The following ASTN2 variants were observed in gnomAD, a reference collection of about 807,000 sequenced individuals.
ASTN2 encodes the protein astrotactin 2.
ASTN2 carries 54 observed loss-of-function variants against 139.8 expected under a neutral mutation model. The observed-to-expected ratio is 0.39, with a 90% CI of 0.31 to 0.48. The LOEUF is 0.48. Among genes scored for constraint, ASTN2 ranks in the 20% least tolerant of loss-of-function variants. The probability of loss-of-function intolerance (pLI) is 0.95; values close to 1 mark genes in which losing one functional copy is unlikely to be tolerated. For missense variants in ASTN2, 1,565 were observed against 1,725.1 expected (o/e 0.91, Z 1.64); for synonymous variants, 756 against 719.5 (o/e 1.05, Z -0.81).
At chr9:116,529,026 A>G (rs1012591264) in intron 19 of ASTN2, among the ~76,000 whole-genome samples, 2 of 152,182 alleles carry the variant, frequency 1.3e-5, no homozygotes, top group Admixed American at 6.5e-5. Context: ...GTGGGGTTGG[A>G]GCCCTTACAC....
At chr9:117,061,004 T>G (rs1241755804) in intron 5 of ASTN2, among the ~76,000 whole-genome samples, 1 of 152,176 alleles carries the variant, frequency 6.6e-6, no homozygotes, top group Non-Finnish European at 1.5e-5. Flanking sequence ...TTGTTTTGTT[T>G]TTCAGAGTCA....
chr9:117,070,701 G>T (rs1828093223), intron 5 of ASTN2, among the ~76,000 whole-genome samples: 1 of 147,110 alleles, frequency 6.8e-6, no homozygotes, highest in Admixed American at 6.7e-5. Context: ...TGGAGGCTTT[G>T]CTCATTTCTT....
intron 19 of ASTN2, among the ~76,000 whole-genome samples, chr9:116,570,222 T>A (rs1378434110): frequency 1.3e-5 from 2 of 152,214 alleles, no homozygotes; most frequent in Non-Finnish European, 2.9e-5. Flanking sequence ...CCAGCACAGT[T>A]CATATAGTGG....
At chr9:117,156,083 G>A (rs149572333) in intron 3 of ASTN2, among the ~76,000 whole-genome samples, 20 of 152,154 alleles carry the variant, frequency 1.3e-4, no homozygotes, top group African/African-American at 4.6e-4. Flanking sequence ...GGGAGTAGAA[G>A]TTAGCTGCCT....
At chr9:116,984,279 T>A (rs1033403624) in intron 7 of ASTN2, among the ~76,000 whole-genome samples, 1 of 152,204 alleles carries the variant, frequency 6.6e-6, no homozygotes, top group African/African-American at 2.4e-5. Flanking sequence ...CTGATCTGAC[T>A]GTTGGCCAGT....
intron 1 of ASTN2, among the ~76,000 whole-genome samples, chr9:117,297,910 A>G (rs1297243295): frequency 6.6e-6 from 1 of 152,230 alleles, no homozygotes. Flanking sequence ...TAAACGCCCA[A>G]GAATGCTTAA....
In ASTN2 at chr9:117,323,328, A is replaced by G. The variant is rs564756386; in HGVS notation, c.443-31815T>C. 6.1e-4 allele frequency among the ~76,000 whole-genome samples: 91 copies of G among 150,126 alleles called. 2 individuals are homozygous for G. The highest frequency in any genetic ancestry group is 3.1e-3 in the South Asian group (14 of 4,588). ...CAAATATAAACTGGCATTCCAGGCA[A>G]TCAATCAAGACCTAACCCCTCAAAG... On this transcript the variant is annotated intron_variant, in intron 1 of 22. Transcript: ENST00000313400.
chr9:116,890,451 C>T (rs549288270), intron 10 of ASTN2, among the ~76,000 whole-genome samples: 1 of 152,296 alleles, frequency 6.6e-6, no homozygotes, highest in South Asian at 2.1e-4. Context: ...GAACCCATTT[C>T]CCCACCATTG....
At chr9:117,204,004 A>G (rs1317434492) in intron 3 of ASTN2, among the ~76,000 whole-genome samples, 1 of 152,188 alleles carries the variant, frequency 6.6e-6, no homozygotes, top group African/African-American at 2.4e-5. Context: ...CACACTCCCC[A>G]GGGGTTCAGG....
At chr9:116,992,593 C>A (rs904362595) in intron 7 of ASTN2, among the ~76,000 whole-genome samples, 3 of 152,146 alleles carry the variant, frequency 2.0e-5, no homozygotes. Flanking sequence ...GCTCTATTCA[C>A]CCTCTCACTT....
chr9:117,408,554 G>C (rs1734587799), intron 1 of ASTN2, among the ~76,000 whole-genome samples: 1 of 152,140 alleles, frequency 6.6e-6, no homozygotes, highest in Non-Finnish European at 1.5e-5. Flanking sequence ...AAGGAGGTGA[G>C]AAGCAGGAGG....
chr9:117,054,490 T>C (rs903324831), intron 5 of ASTN2, among the ~76,000 whole-genome samples: 11 of 152,140 alleles, frequency 7.2e-5, no homozygotes, highest in African/African-American at 2.4e-4. Context: ...TCCAGTGAGG[T>C]AGTGGGCCAA....
At chr9:116,450,076 T>C (rs1370174841) in intron 20 of ASTN2, among the ~76,000 whole-genome samples, 1 of 152,200 alleles carries the variant, frequency 6.6e-6, no homozygotes, top group African/African-American at 2.4e-5. Context: ...TGTTGTGTCA[T>C]CAATAGTAAC....
intron 16 of ASTN2, among the ~76,000 whole-genome samples, chr9:116,666,006 T>C (rs570645057): frequency 1.6e-4 from 24 of 152,208 alleles, no homozygotes; most frequent in Admixed American, 1.1e-3. Flanking sequence ...ATATTTTTTA[T>C]GGAAATACTG....
In ASTN2 at chr9:116,424,616, C is replaced by T. The variant is rs868125844; in HGVS notation, c.*1235G>A. On this transcript the variant is annotated 3_prime_UTR_variant, in exon 23 of 23. Coordinates refer to ENST00000313400, the MANE Select transcript of ASTN2 (RefSeq NM_001365068.1). The stretch of plus-strand genomic sequence containing the variant: ...ATCTTTTTTTTTTTTTTTAAGTTGT[C>T]ACCTAGGCTGGAGTCCAGTGGCTCC... Among the ~76,000 whole-genome samples the T allele has an allele frequency of 3.6e-5, 5 of 138,210 alleles. No individual in the cohort carries two copies. Among genetic ancestry groups the T allele is most frequent in the Non-Finnish European group, 4.6e-5 (3 of 64,986 alleles). The allele number at this position is 138,210 out of a possible 152,430, so 90.7% of individuals were successfully genotyped here.
chr9:116,655,797 C>A (rs188288270), intron 16 of ASTN2, among the ~76,000 whole-genome samples: 118 of 152,264 alleles, frequency 7.7e-4, no homozygotes, highest in Admixed American at 1.8e-3. Flanking sequence ...CTTAAGCAAT[C>A]CCCCCACCTC....
intron 1 of ASTN2, among the ~76,000 whole-genome samples, chr9:117,303,584 C>A (rs1211469759): frequency 6.6e-6 from 1 of 152,184 alleles, no homozygotes; most frequent in Non-Finnish European, 1.5e-5. Flanking sequence ...TTGTCTATCT[C>A]TGCTCTGTCA....
Position 116,565,377 on chromosome 9 carries a change from CTCTCTCTCTCCA to C in ASTN2, c.3355+52935_3355+52946del, listed in dbSNP as rs1416580447. 2.3e-3 allele frequency among the ~76,000 whole-genome samples: 75 copies of C among 33,144 alleles called. 2 individuals carry two copies. The South Asian group carries it at 0.066, about 29-fold the overall frequency. The allele number at this position is 33,144 out of a possible 152,430, so 21.7% of individuals were successfully genotyped here. ...TCTCTCTCTCTCTCTCTCTCTCTCT[CTCTCTCTCTCCA>C]TATATATATATATATATATATATAT... On this transcript the variant is annotated intron_variant, in intron 19 of 22. Coordinates refer to ENST00000313400, the MANE Select transcript of ASTN2 (RefSeq NM_001365068.1).
chr9:116,933,997 T>TTTTTTTTTTTTTTTTTTTTTTTTTTG, intron 10 of ASTN2, among the ~76,000 whole-genome samples: 1 of 101,242 alleles, frequency 9.9e-6, no homozygotes. Context: ...TTTTTTTTTT[T>TTTTTTTTTTTTTTTTTTTTTTTTTTG]TTTTTCTGGA....
Sources: allele counts gnomAD v4.1 joint callset (sites outside exome capture counted in the v4.1 genomes callset), GRCh38; gene constraint gnomAD v4.1.1; transcripts MANE v1.5; gene names NCBI Gene and HGNC (gene_info 2026-07-23, HGNC 2026-07-21).